Variants in CLSTN2 observed in about 807,000 individuals in gnomAD.
CLSTN2 encodes calsyntenin-2.
Under a neutral mutation model 101.2 loss-of-function variants are expected in CLSTN2, and 48 were observed. The ratio of observed to expected loss-of-function variants is 0.47; its 90% CI spans 0.38 to 0.60. The LOEUF (loss-of-function observed/expected upper bound fraction) is 0.60, where lower values mean the gene tolerates loss of function less well. Among genes scored for constraint, CLSTN2 ranks in the 20% least tolerant of loss-of-function variants. The pLI, the probability that CLSTN2 is intolerant of heterozygous loss-of-function variation, is 0.00. For synonymous variants in CLSTN2, 481 were observed against 463.6 expected (o/e 1.04, Z -0.48); for missense variants, 1,160 against 1,238.2 (o/e 0.94, Z 0.95).
At chr3:140,440,385 C>T (rs59726509) in intron 5 of CLSTN2, among the ~76,000 whole-genome samples, 4,326 of 152,222 alleles carry the variant, frequency 0.028, 200 homozygotes, top group African/African-American at 0.097. Context: ...GGAAAAGGGT[C>T]AGTAATAAAG....
In CLSTN2 at chr3:140,446,875, C is replaced by A. The variant is rs573802554; in HGVS notation, c.788-1644C>A. Among the ~76,000 whole-genome samples the A allele has an allele frequency of 9.8e-5, 15 of 152,314 alleles. No individual in the cohort carries two copies. In the South Asian group the frequency reaches 3.1e-3, roughly 32 times the overall value. The stretch of plus-strand genomic sequence containing the variant: ...TAGCACTTACTCCTTTCTGTTAGAG[C>A]AGCACAGGCTTATTCATCACCTGCC... On this transcript the variant is annotated intron_variant, in intron 5 of 16. Transcript: ENST00000458420.
chr3:140,285,500 C>A (rs367929806), intron 2 of CLSTN2, among the ~76,000 whole-genome samples: 1 of 152,100 alleles, frequency 6.6e-6, no homozygotes, highest in Non-Finnish European at 1.5e-5. Flanking sequence ...TGGGGTGCAG[C>A]AGAAGCAGGA....
At chr3:140,128,893 G>C (rs573974383) in intron 1 of CLSTN2, among the ~76,000 whole-genome samples, 1 of 152,154 alleles carries the variant, frequency 6.6e-6, no homozygotes, top group Non-Finnish European at 1.5e-5. Context: ...GCAGAAGGGG[G>C]CAGAGCTGAG....
At chr3:140,150,962 T>C (rs2009855297) in intron 1 of CLSTN2, among the ~76,000 whole-genome samples, 1 of 152,058 alleles carries the variant, frequency 6.6e-6, no homozygotes, top group Non-Finnish European at 1.5e-5. Flanking sequence ...ATATGGCACC[T>C]CCTGCACCTT....
intron 1 of CLSTN2, among the ~76,000 whole-genome samples, chr3:140,131,837 A>C (rs745328228): frequency 1.3e-5 from 2 of 152,066 alleles, no homozygotes; most frequent in Non-Finnish European, 2.9e-5. Flanking sequence ...AAAGATACAG[A>C]GGGGAGAATG....
At chr3:140,197,230 G>A (rs2010656924) in intron 2 of CLSTN2, among the ~76,000 whole-genome samples, 1 of 152,156 alleles carries the variant, frequency 6.6e-6, no homozygotes, top group Non-Finnish European at 1.5e-5. Flanking sequence ...ACAGAAGATT[G>A]CAGAGAGGAG....
At chr3:139,945,159 G>T (rs145418739) in intron 1 of CLSTN2, among the ~76,000 whole-genome samples, 39 of 152,266 alleles carry the variant, frequency 2.6e-4, no homozygotes, top group African/African-American at 9.1e-4. Context: ...GTAAAACTTT[G>T]GAGTCTTAAT....
chr3:140,541,711 C>G (rs1559899422), intron 9 of CLSTN2, among the ~76,000 whole-genome samples: 1 of 152,210 alleles, frequency 6.6e-6, no homozygotes, highest in Non-Finnish European at 1.5e-5. Context: ...GATGTCTCTG[C>G]TCTGCACCTC....
rs1463941574 is a variant in CLSTN2, at chr3:140,568,011, GAAGT to G, written c.*1761_*1764del. 1 of 152,208 alleles carries G rather than the reference GAAGT, an allele frequency of 6.6e-6. No individual in the cohort carries two copies. The highest frequency in any genetic ancestry group is 1.5e-5 in the Non-Finnish European group (1 of 68,052). 9.4% of individuals were successfully genotyped at this position (152,208 alleles called of 1,614,324 possible). On this transcript the variant is annotated 3_prime_UTR_variant, in exon 17 of 17. Transcript: ENST00000458420. ...CTTTGGACCTCACAACAAATCCTGT[GAAGT>G]AACTGAGACATCTGTTGTTAGATAC...
chr3:140,270,560 A>T (rs571275808), intron 2 of CLSTN2, among the ~76,000 whole-genome samples: 106 of 152,290 alleles, frequency 7.0e-4, no homozygotes, highest in Non-Finnish European at 1.2e-3. Context: ...CAGATGACTC[A>T]CACATTGGAC....
chr3:140,041,695 G>C (rs1419973294), intron 1 of CLSTN2, among the ~76,000 whole-genome samples: 2 of 152,070 alleles, frequency 1.3e-5, no homozygotes, highest in Admixed American at 6.6e-5. Context: ...TCTCCTTTCC[G>C]GGCCTCACCG....
intron 2 of CLSTN2, among the ~76,000 whole-genome samples, chr3:140,203,876 TTCTG>T (rs1159979582): frequency 1.3e-5 from 2 of 152,142 alleles, no homozygotes; most frequent in Non-Finnish European, 2.9e-5. Context: ...ACCCGCAAGA[TTCTG>T]TCTAATTGGC....
intron 1 of CLSTN2, among the ~76,000 whole-genome samples, chr3:140,070,237 A>T: frequency 6.6e-6 from 1 of 152,194 alleles, no homozygotes; most frequent in East Asian, 1.9e-4. Context: ...ATGAATGTTG[A>T]TCTTGAAGTT....
intron 2 of CLSTN2, among the ~76,000 whole-genome samples, chr3:140,403,287 TG>T (rs2088263961): frequency 6.6e-6 from 1 of 151,564 alleles, no homozygotes; most frequent in African/African-American, 2.4e-5. Flanking sequence ...AATGGAGAAG[TG>T]GGGGAGGTAG....
chr3:139,996,226 G>A (rs987966541), intron 1 of CLSTN2, among the ~76,000 whole-genome samples: 11 of 107,500 alleles, frequency 1.0e-4, no homozygotes, highest in African/African-American at 2.9e-4. Flanking sequence ...TGTCTTCTGG[G>A]ACTTTTTTTT....
At chr3:140,420,848 C>T (rs1159350316) in intron 4 of CLSTN2, among the ~76,000 whole-genome samples, 2 of 152,218 alleles carry the variant, frequency 1.3e-5, no homozygotes, top group Non-Finnish European at 2.9e-5. Context: ...TACTTATAAA[C>T]ACAAGCCAGC....
chr3:140,137,532 C>T (rs930858413), intron 1 of CLSTN2, among the ~76,000 whole-genome samples: 6 of 152,156 alleles, frequency 3.9e-5, no homozygotes, highest in Non-Finnish European at 8.8e-5. Context: ...ATGTCTTCAT[C>T]CTAGACCCCA....
intron 1 of CLSTN2, among the ~76,000 whole-genome samples, chr3:140,087,498 T>C (rs1249416495): frequency 6.6e-6 from 1 of 152,230 alleles, no homozygotes; most frequent in Non-Finnish European, 1.5e-5. Flanking sequence ...CATCTTTCTC[T>C]TGTAAGTAGT....
intron 2 of CLSTN2, among the ~76,000 whole-genome samples, chr3:140,297,350 A>G (rs1490256537): frequency 6.6e-6 from 1 of 152,218 alleles, no homozygotes; most frequent in Non-Finnish European, 1.5e-5. Context: ...AAAAATGGCC[A>G]TCTCTGGCAC....
Sources: allele counts gnomAD v4.1 joint callset (sites outside exome capture counted in the v4.1 genomes callset), GRCh38; gene constraint gnomAD v4.1.1; transcripts MANE v1.5; gene names NCBI Gene and HGNC (gene_info 2026-07-23, HGNC 2026-07-21).